ROBO1: variants seen among roughly 807,000 people sequenced by gnomAD.
The protein encoded by ROBO1 is roundabout homolog 1.
A neutral mutation model predicts 195.9 loss-of-function variants in ROBO1; 149 were observed. The ratio of observed to expected loss-of-function variants is 0.76; its 90% CI spans 0.67 to 0.87. The LOEUF (loss-of-function observed/expected upper bound fraction) is 0.87. Among genes scored for constraint, ROBO1 ranks in the 40% least tolerant of loss-of-function variants. ROBO1 has a pLI of 0.00. For synonymous variants in ROBO1, 816 were observed against 733.2 expected (o/e 1.11, Z -1.82); for missense variants, 1,933 against 2,068.3 (o/e 0.93, Z 1.27).
chr3:78,660,848 A>G (rs1707348724), intron 16 of ROBO1, 182 bp downstream of exon 16: 3 of 541,106 alleles, frequency 5.5e-6, no homozygotes, highest in Non-Finnish European at 3.2e-6. Flanking sequence ...CAAGTCAACT[A>G]TTATAGCATT....
chr3:79,615,224 A>T (rs73849647), intron 1 of ROBO1, among the ~76,000 whole-genome samples: 1,762 of 152,236 alleles, frequency 0.012, 30 homozygotes, highest in African/African-American at 0.04. Context: ...TTTGCTCTCC[A>T]TAACTCCTTA....
chr3:79,156,295 T>C (rs745451826), intron 2 of ROBO1, among the ~76,000 whole-genome samples: 6 of 151,486 alleles, frequency 4.0e-5, no homozygotes, highest in Admixed American at 6.6e-5. Flanking sequence ...GTAATATTTA[T>C]TGGCTATAAA....
intron 4 of ROBO1, among the ~76,000 whole-genome samples, chr3:78,828,691 G>C (rs757401666): frequency 1.3e-5 from 2 of 152,078 alleles, no homozygotes; most frequent in Admixed American, 6.5e-5. Context: ...GAATATTTCT[G>C]ATCTCTTCTC....
intron 4 of ROBO1, among the ~76,000 whole-genome samples, chr3:78,852,886 A>G (rs2034158030): frequency 6.6e-6 from 1 of 152,198 alleles, no homozygotes; most frequent in African/African-American, 2.4e-5. Context: ...ATTGTGAGCT[A>G]TTTGGCCAAC....
At chr3:79,511,140 G>C (rs1369293327) in intron 2 of ROBO1, among the ~76,000 whole-genome samples, 1 of 152,100 alleles carries the variant, frequency 6.6e-6, no homozygotes, top group South Asian at 2.1e-4. Context: ...GGTAAAAGAA[G>C]AGTATAATCA....
chr3:79,250,563 T>TC (rs1559765351), intron 2 of ROBO1, among the ~76,000 whole-genome samples: 3 of 151,628 alleles, frequency 2.0e-5, no homozygotes, highest in African/African-American at 4.9e-5. Flanking sequence ...ATAATGTGTG[T>TC]GGGGGGGGTT....
intron 2 of ROBO1, among the ~76,000 whole-genome samples, chr3:79,135,100 T>C (rs1185849118): frequency 6.6e-6 from 1 of 152,136 alleles, no homozygotes; most frequent in Non-Finnish European, 1.5e-5. Flanking sequence ...TAATACGTTC[T>C]TATTAAACAT....
intron 2 of ROBO1, among the ~76,000 whole-genome samples, chr3:79,496,550 A>AT (rs1335090088): frequency 7.0e-6 from 1 of 143,762 alleles, no homozygotes; most frequent in Non-Finnish European, 1.5e-5. Flanking sequence ...CGCCCGGCTA[A>AT]TTTTTTGTAT....
intron 4 of ROBO1, among the ~76,000 whole-genome samples, chr3:78,767,848 C>T (rs930529270): frequency 2.0e-5 from 3 of 151,774 alleles, no homozygotes; most frequent in Non-Finnish European, 2.9e-5. Flanking sequence ...AATGGTCTAT[C>T]GATTTTATTG....
intron 3 of ROBO1, among the ~76,000 whole-genome samples, chr3:79,067,938 T>C (rs1265094935): frequency 6.6e-6 from 1 of 151,898 alleles, no homozygotes; most frequent in Non-Finnish European, 1.5e-5. Context: ...TCCTCCTCAC[T>C]GGCTGTTGGC....
intron 1 of ROBO1, among the ~76,000 whole-genome samples, chr3:79,668,020 C>T (rs945935260): frequency 7.3e-5 from 11 of 151,704 alleles, no homozygotes; most frequent in African/African-American, 1.7e-4. Flanking sequence ...ATAGCACCTT[C>T]GCAATGAACA....
At chr3:78,793,721 G>A (rs2084097074) in intron 4 of ROBO1, among the ~76,000 whole-genome samples, 1 of 151,816 alleles carries the variant, frequency 6.6e-6, no homozygotes, top group African/African-American at 2.4e-5. Flanking sequence ...GGGAGGTAGA[G>A]GAGAAGTAGA....
intron 8 of ROBO1, among the ~76,000 whole-genome samples, chr3:78,693,708 T>C (rs2081226362): frequency 6.6e-6 from 1 of 152,208 alleles, no homozygotes; most frequent in Non-Finnish European, 1.5e-5. Context: ...TTTTAAAACA[T>C]TATAAATCTT....
At chr3:79,519,188 G>C (rs1559959823) in intron 2 of ROBO1, among the ~76,000 whole-genome samples, 1 of 152,106 alleles carries the variant, frequency 6.6e-6, no homozygotes, top group Non-Finnish European at 1.5e-5. Context: ...TGTGGTAGAG[G>C]GAAGAGATGA....
At chr3:79,169,171 C>T (rs752621964) in intron 2 of ROBO1, among the ~76,000 whole-genome samples, 1 of 152,072 alleles carries the variant, frequency 6.6e-6, no homozygotes, top group Non-Finnish European at 1.5e-5. Context: ...GGGATCTCTT[C>T]AAGAGTACAT....
In ROBO1 at chr3:79,547,773, G is replaced by T. The variant is rs112287765; in HGVS notation, c.88+42051C>A. ...TCTTGTTAGGATTGTGGGAATCCAAGAAAATAGAAATTTATCTCTTTGTTT... is the reference window on the plus strand; with the variant it reads ...TCTTGTTAGGATTGTGGGAATCCAATAAAATAGAAATTTATCTCTTTGTTT... On this transcript the variant is annotated intron_variant, in intron 2 of 30. Transcript: ENST00000464233. 4.1e-3 allele frequency among the ~76,000 whole-genome samples: 622 copies of T among 152,228 alleles called. 3 individuals are homozygous for T. The highest frequency in any genetic ancestry group is 0.014 in the African/African-American group (597 of 41,548).
At chr3:78,886,782 C>G (rs544011922) in intron 4 of ROBO1, among the ~76,000 whole-genome samples, 2 of 152,016 alleles carry the variant, frequency 1.3e-5, no homozygotes, top group African/African-American at 4.8e-5. Context: ...TATACTTATA[C>G]AAAGATAAAA....
chr3:78,928,137 A>C (rs1364291061), intron 4 of ROBO1, among the ~76,000 whole-genome samples: 1 of 152,222 alleles, frequency 6.6e-6, no homozygotes, highest in Non-Finnish European at 1.5e-5. Context: ...GCAAGATCAC[A>C]GAGCTGTACT....
In ROBO1 at chr3:78,597,361, A is replaced by AATC. The variant is rs1250356794; in HGVS notation, c.*1549_*1551dup. On this transcript the variant is annotated 3_prime_UTR_variant, in exon 31 of 31. Transcript: ENST00000464233. ...CTTACATGAACATAATGAAAACATT[A>AATC]ATCACATGGATTGTTCCCTTAGTAC... 1 of 152,596 alleles carries AATC rather than the reference A, an allele frequency of 6.6e-6. No homozygotes were observed. The highest frequency in any genetic ancestry group is 1.5e-5 in the Non-Finnish European group (1 of 68,024). 9.5% of individuals were successfully genotyped at this position (152,596 alleles called of 1,614,324 possible).
Sources: allele counts gnomAD v4.1 joint callset (sites outside exome capture counted in the v4.1 genomes callset), GRCh38; gene constraint gnomAD v4.1.1; transcripts MANE v1.5; gene names NCBI Gene and HGNC (gene_info 2026-07-23, HGNC 2026-07-21).